TLCD4: variants seen among roughly 807,000 people sequenced by gnomAD.
TLCD4 encodes the protein TLC domain-containing protein 4.
A neutral mutation model predicts 24.2 loss-of-function variants in TLCD4; 7 were observed. That is an observed-to-expected ratio of 0.29 (90% CI 0.16 to 0.54). The LOEUF (loss-of-function observed/expected upper bound fraction) is 0.54, where lower values mean the gene tolerates loss of function less well. TLCD4 is among the 20% of genes least tolerant of loss of function. The probability of loss-of-function intolerance (pLI) is 0.95; values close to 1 mark genes in which losing one functional copy is unlikely to be tolerated. For missense variants in TLCD4, 259 were observed against 313.9 expected (o/e 0.82, Z 1.32); for synonymous variants, 103 against 106.4 (o/e 0.97, Z 0.20).
chr1:95,092,904 A>G, the TLCD4 span, among the ~76,000 whole-genome samples: 1 of 152,050 alleles, frequency 6.6e-6, no homozygotes, highest in Admixed American at 6.6e-5. Flanking sequence ...ATGCCCAGCT[A>G]CTTTTTGTAT....
At chr1:95,117,801 C>T (rs1418032719) in intron 1 of TLCD4, 184 bp downstream of exon 1, 1 of 150,800 alleles carries the variant, frequency 6.6e-6, no homozygotes, top group Non-Finnish European at 1.5e-5. Flanking sequence ...GGGAGGCGGC[C>T]CGGGGCTCCC....
intron 1 of TLCD4, among the ~76,000 whole-genome samples, chr1:95,133,069 A>G (rs148679693): frequency 6.6e-6 from 1 of 152,132 alleles, no homozygotes; most frequent in Non-Finnish European, 1.5e-5. Flanking sequence ...AGAGAGAGAG[A>G]GCGCAAGTGT....
chr1:95,162,596 T>A (rs976208181), intron 5 of TLCD4, among the ~76,000 whole-genome samples: 1 of 152,254 alleles, frequency 6.6e-6, no homozygotes, highest in African/African-American at 2.4e-5. Flanking sequence ...CTTCATAGCA[T>A]CGATGGTCTT....
intron 1 of TLCD4, among the ~76,000 whole-genome samples, chr1:95,133,955 T>C (rs1208981515): frequency 6.6e-6 from 1 of 151,490 alleles, no homozygotes; most frequent in Admixed American, 6.6e-5. Flanking sequence ...GGATGTAAGC[T>C]GATTAAAGAG....
intron 6 of TLCD4, among the ~76,000 whole-genome samples, chr1:95,190,334 T>C (rs1047696985): frequency 6.6e-6 from 1 of 151,364 alleles, no homozygotes; most frequent in Non-Finnish European, 1.5e-5. Context: ...TTTCTTTTCT[T>C]TTCTTTTCTT....
intron 6 of TLCD4, among the ~76,000 whole-genome samples, chr1:95,188,366 C>T (rs908991621): frequency 5.6e-5 from 7 of 125,288 alleles, no homozygotes; most frequent in Admixed American, 1.1e-4. Flanking sequence ...CCAGCCTGGG[C>T]GACAGAGCGA....
chr1:95,184,595 G>A (rs935162361), intron 6 of TLCD4, among the ~76,000 whole-genome samples: 1 of 152,124 alleles, frequency 6.6e-6, no homozygotes, highest in African/African-American at 2.4e-5. Context: ...TGGAGTGAAG[G>A]GAGGATTGTA....
chr1:95,115,792 A>C (rs4245670), upstream of TLCD4, among the ~76,000 whole-genome samples: 2 of 152,042 alleles, frequency 1.3e-5, no homozygotes, highest in Non-Finnish European at 2.9e-5. Flanking sequence ...AGCTACTATC[A>C]GCCACCAGAG....
chr1:95,153,234 A>T (rs1016353871), intron 5 of TLCD4, among the ~76,000 whole-genome samples: 2 of 152,056 alleles, frequency 1.3e-5, no homozygotes, highest in Admixed American at 1.3e-4. Context: ...TGATGGTTGT[A>T]TAACAAAATG....
chr1:95,158,954 G>T (rs1196184935), intron 5 of TLCD4, among the ~76,000 whole-genome samples: 1 of 152,124 alleles, frequency 6.6e-6, no homozygotes, highest in Non-Finnish European at 1.5e-5. Flanking sequence ...TGTGAATAGT[G>T]CCACAGTAAA....
the TLCD4 span, among the ~76,000 whole-genome samples, chr1:95,096,872 G>C: frequency 6.6e-6 from 1 of 152,184 alleles, no homozygotes; most frequent in Non-Finnish European, 1.5e-5. Flanking sequence ...TGAGAATTTA[G>C]GGGTAGTGGA....
chr1:95,129,903 A>G (rs149164452), intron 1 of TLCD4, among the ~76,000 whole-genome samples: 1 of 152,338 alleles, frequency 6.6e-6, no homozygotes, highest in Non-Finnish European at 1.5e-5. Flanking sequence ...CTTCCTGTAG[A>G]CTTTTACACT....
chr1:95,174,593 C>T (rs1474703202), intron 6 of TLCD4, among the ~76,000 whole-genome samples: 2 of 151,234 alleles, frequency 1.3e-5, no homozygotes, highest in African/African-American at 2.4e-5. Flanking sequence ...GAGGCTAAGG[C>T]GGAAGGATTG....
At chr1:95,190,487 C>G (rs1678989575) in intron 6 of TLCD4, among the ~76,000 whole-genome samples, 2 of 152,106 alleles carry the variant, frequency 1.3e-5, no homozygotes, top group Admixed American at 1.3e-4. Context: ...CGCCGCCATG[C>G]CTGGCTAATT....
intron 5 of TLCD4, among the ~76,000 whole-genome samples, chr1:95,155,677 C>G (rs566680804): frequency 6.6e-6 from 1 of 151,170 alleles, no homozygotes; most frequent in African/African-American, 2.4e-5. Context: ...GATATATTGA[C>G]GGGTACAGGA....
At chr1:95,110,957 AT>A in the TLCD4 span, among the ~76,000 whole-genome samples, 1 of 151,820 alleles carries the variant, frequency 6.6e-6, no homozygotes. Flanking sequence ...AAATCTAAAA[AT>A]ATCCATAACA....
chr1:95,125,099 A>G (rs1676677962), intron 1 of TLCD4, among the ~76,000 whole-genome samples: 1 of 152,234 alleles, frequency 6.6e-6, no homozygotes, highest in Non-Finnish European at 1.5e-5. Context: ...CCCATGAGTT[A>G]TCTGGATCTG....
intron 5 of TLCD4, among the ~76,000 whole-genome samples, chr1:95,160,315 A>G (rs1182856725): frequency 1.3e-5 from 2 of 152,086 alleles, no homozygotes; most frequent in East Asian, 3.9e-4. Flanking sequence ...TTTGTCTGTT[A>G]TTGGTGTATA....
At chr1:95,146,713 G>A (rs1677360710) in intron 2 of TLCD4, among the ~76,000 whole-genome samples, 1 of 152,106 alleles carries the variant, frequency 6.6e-6, no homozygotes, top group African/African-American at 2.4e-5. Flanking sequence ...ATACAGAATA[G>A]TGTATGAGTG....
Sources: allele counts gnomAD v4.1 joint callset (sites outside exome capture counted in the v4.1 genomes callset), GRCh38; gene constraint gnomAD v4.1.1; transcripts MANE v1.5; gene names NCBI Gene and HGNC (gene_info 2026-07-23, HGNC 2026-07-21).